The following PARD3 variants were observed in gnomAD, a reference collection of about 807,000 sequenced individuals.
PARD3 encodes partitioning defective 3 homolog.
In PARD3, 75 loss-of-function variants were observed where a neutral mutation model predicts 155.4. The ratio of observed to expected loss-of-function variants is 0.48; its 90% CI spans 0.40 to 0.58. The LOEUF is 0.58. Among genes scored for constraint, PARD3 ranks in the 20% least tolerant of loss-of-function variants. The pLI, the probability that PARD3 is intolerant of heterozygous loss-of-function variation, is 0.00. For missense variants in PARD3, 1,642 were observed against 1,721.7 expected (o/e 0.95, Z 0.82); for synonymous variants, 576 against 610.5 (o/e 0.94, Z 0.83).
At chr10:34,285,378 C>G (rs953424806) in intron 20 of PARD3, among the ~76,000 whole-genome samples, 1 of 152,044 alleles carries the variant, frequency 6.6e-6, no homozygotes, top group Non-Finnish European at 1.5e-5. Context: ...GAGTTCAAGA[C>G]CAGCCTGGGC....
At chr10:34,807,970 A>G (rs1843611758) in intron 1 of PARD3, among the ~76,000 whole-genome samples, 1 of 152,192 alleles carries the variant, frequency 6.6e-6, no homozygotes. Flanking sequence ...ATTTACTAAA[A>G]TGTTTACTTA....
At chr10:34,556,746 T>A (rs543802636) in intron 2 of PARD3, among the ~76,000 whole-genome samples, 1 of 152,226 alleles carries the variant, frequency 6.6e-6, no homozygotes, top group Non-Finnish European at 1.5e-5. Context: ...CCATGTCTGT[T>A]CCAGTCATGA....
intron 20 of PARD3, among the ~76,000 whole-genome samples, chr10:34,303,966 A>G (rs1957278055): frequency 6.6e-6 from 1 of 152,218 alleles, no homozygotes; most frequent in Non-Finnish European, 1.5e-5. Context: ...GGTGGCATGC[A>G]GTAAGGAAAG....
chr10:34,131,678 C>T lies in PARD3; in HGVS notation c.3420-95G>A, dbSNP rs189341701. On this transcript the variant is annotated intron_variant, in intron 22 of 24. Coordinates refer to ENST00000374788, the MANE Select transcript of PARD3 (RefSeq NM_001184785.2). The stretch of plus-strand genomic sequence containing the variant: ...AACATGGCAACTTGCTGTGAAATGA[C>T]GCCATTTAAGAGAAAGTGAATTTTT... 2,480 of 1,091,698 alleles carry T rather than the reference C, an allele frequency of 2.3e-3. 5 individuals are homozygous for T. Among genetic ancestry groups the T allele is most frequent in the Middle Eastern group, 6.1e-3 (30 of 4,890 alleles). The allele number at this position is 1,091,698 out of a possible 1,614,324, so 67.6% of individuals were successfully genotyped here.
chr10:34,366,771 A>C (rs1447328436), intron 12 of PARD3, among the ~76,000 whole-genome samples: 1 of 152,138 alleles, frequency 6.6e-6, no homozygotes, highest in Non-Finnish European at 1.5e-5. Context: ...TTTTTCTTAA[A>C]TTTAAGAACC....
At chr10:34,333,696 T>G (rs1835853331) in intron 18 of PARD3, among the ~76,000 whole-genome samples, 1 of 152,114 alleles carries the variant, frequency 6.6e-6, no homozygotes, top group African/African-American at 2.4e-5. Context: ...CCCATGTATT[T>G]ACATATTGTC....
chr10:34,372,351 A>C, intron 12 of PARD3, 147 bp downstream of exon 12: 2 of 644,226 alleles, frequency 3.1e-6, no homozygotes, highest in Admixed American at 4.9e-5. Context: ...CCTTAAAATA[A>C]GACCACTTTG....
intron 2 of PARD3, among the ~76,000 whole-genome samples, chr10:34,676,874 G>C (rs2093718008): frequency 6.6e-6 from 1 of 152,210 alleles, no homozygotes; most frequent in Non-Finnish European, 1.5e-5. Flanking sequence ...AACAGAATCA[G>C]CAACAATACT....
rs965256811 is a variant in PARD3 at position 34,244,695 on chromosome 10, A to T, written c.3419+24962T>A. Among the ~76,000 whole-genome samples, 6 of 152,238 alleles carry T rather than the reference A, an allele frequency of 3.9e-5. No individual in the cohort carries two copies. In the East Asian group the frequency reaches 1.2e-3, roughly 29 times the overall value. ...TTATACAATCTAATTTTAAAAATTGAATCATTCTTACATGCTGAGTTCACA... is the reference window on the plus strand; with the variant it reads ...TTATACAATCTAATTTTAAAAATTGTATCATTCTTACATGCTGAGTTCACA... On this transcript the variant is annotated intron_variant, in intron 22 of 24. Coordinates refer to ENST00000374788, the MANE Select transcript of PARD3 (RefSeq NM_001184785.2).
chr10:34,755,166 C>G (rs1395465518), intron 1 of PARD3, among the ~76,000 whole-genome samples: 1 of 151,678 alleles, frequency 6.6e-6, no homozygotes, highest in Non-Finnish European at 1.5e-5. Context: ...TTTTGGGAGG[C>G]TGAGGCGGGC....
chr10:34,272,241 G>A (rs79250823), intron 21 of PARD3, among the ~76,000 whole-genome samples: 3,208 of 152,226 alleles, frequency 0.021, 91 homozygotes, highest in East Asian at 0.12. Flanking sequence ...AGGAACTAGT[G>A]CGTGGAGAAG....
chr10:34,306,729 G>A (rs1028611890), intron 20 of PARD3, among the ~76,000 whole-genome samples: 1 of 152,192 alleles, frequency 6.6e-6, no homozygotes, highest in South Asian at 2.1e-4. Flanking sequence ...GACTGTGTGT[G>A]CAGTCACAGG....
intron 2 of PARD3, among the ~76,000 whole-genome samples, chr10:34,556,443 C>T (rs954202747): frequency 3.3e-5 from 5 of 149,868 alleles, no homozygotes; most frequent in African/African-American, 1.2e-4. Flanking sequence ...AGTGCAGTGG[C>T]GAGATCTCCG....
intron 23 of PARD3, among the ~76,000 whole-genome samples, chr10:34,120,499 G>A (rs1458622640): frequency 1.3e-5 from 2 of 152,146 alleles, no homozygotes; most frequent in Non-Finnish European, 2.9e-5. Context: ...ACACCTGTGA[G>A]GTGGCCATGT....
At chr10:34,527,845 A>G (rs1159891009) in intron 2 of PARD3, among the ~76,000 whole-genome samples, 15 of 152,134 alleles carry the variant, frequency 9.9e-5, no homozygotes, top group Admixed American at 9.8e-4. Context: ...GAAAAACTTC[A>G]TTTTCTGACT....
At chr10:34,350,580 C>A (rs1414860454) in intron 14 of PARD3, among the ~76,000 whole-genome samples, 1 of 144,942 alleles carries the variant, frequency 6.9e-6, no homozygotes, top group Non-Finnish European at 1.5e-5. Context: ...TTGCAGTGAG[C>A]CGAGATCACG....
chr10:34,682,948 G>A (rs1043542873), intron 2 of PARD3, among the ~76,000 whole-genome samples: 7 of 152,228 alleles, frequency 4.6e-5, no homozygotes, highest in African/African-American at 1.7e-4. Context: ...GACAATGGTG[G>A]TGGTGGTGGT....
chr10:34,448,328 A>G lies in PARD3; in HGVS notation c.714+1989T>C, dbSNP rs200091777. The stretch of plus-strand genomic sequence containing the variant: ...ATTTTACTTATAAGTGGAATCTTGG[A>G]AAAAAAAAAAAATGAACTCATGCTA... On this transcript the variant is annotated intron_variant, in intron 5 of 24. Transcript: ENST00000374788. Among the ~76,000 whole-genome samples, 300 of 70,466 alleles carry G rather than the reference A, an allele frequency of 4.3e-3. 10 individuals carry two copies. In the East Asian group the frequency reaches 0.15, roughly 34 times the overall value. The allele number at this position is 70,466 out of a possible 152,430, so 46.2% of individuals were successfully genotyped here.
intron 1 of PARD3, among the ~76,000 whole-genome samples, chr10:34,791,102 T>C (rs1221525737): frequency 4.6e-5 from 7 of 152,352 alleles, no homozygotes; most frequent in East Asian, 3.9e-4. Context: ...AGTTAGATAA[T>C]AGGAAATATG....
Sources: allele counts gnomAD v4.1 joint callset (sites outside exome capture counted in the v4.1 genomes callset), GRCh38; gene constraint gnomAD v4.1.1; transcripts MANE v1.5; gene names NCBI Gene and HGNC (gene_info 2026-07-23, HGNC 2026-07-21).